ZNF804B: variants seen among roughly 807,000 people sequenced by gnomAD.
ZNF804B encodes the protein zinc finger 804B.
In ZNF804B, 80 loss-of-function variants were observed where a neutral mutation model predicts 101.4. The ratio of observed to expected loss-of-function variants is 0.79; its 90% CI spans 0.66 to 0.95. The LOEUF is 0.95. Ranked by LOEUF, ZNF804B falls within the 40% of genes least tolerant of loss-of-function variation. The probability of loss-of-function intolerance (pLI) is 0.00; values close to 1 mark genes in which losing one functional copy is unlikely to be tolerated. For missense variants in ZNF804B, 1,673 were observed against 1,561.9 expected (o/e 1.07, Z -1.20); for synonymous variants, 622 against 558.8 (o/e 1.11, Z -1.59).
At chr7:88,830,221 A>G (rs1376432817) in intron 1 of ZNF804B, among the ~76,000 whole-genome samples, 1 of 152,136 alleles carries the variant, frequency 6.6e-6, no homozygotes, top group Non-Finnish European at 1.5e-5. Flanking sequence ...TAAGAACTCA[A>G]ATTATGTAAT....
chr7:89,250,363 C>T (rs534953045), intron 2 of ZNF804B, among the ~76,000 whole-genome samples: 1 of 152,050 alleles, frequency 6.6e-6, no homozygotes, highest in Non-Finnish European at 1.5e-5. Flanking sequence ...TGGAATCACA[C>T]AATCTCCCTA....
chr7:89,033,880 T>C (rs2116235872), intron 1 of ZNF804B, among the ~76,000 whole-genome samples: 1 of 152,276 alleles, frequency 6.6e-6, no homozygotes, highest in East Asian at 1.9e-4. Flanking sequence ...ATTTAGAAGA[T>C]TAATTATCTG....
At chr7:89,148,996 G>T (rs1313829266) in intron 1 of ZNF804B, among the ~76,000 whole-genome samples, 6 of 152,088 alleles carry the variant, frequency 3.9e-5, no homozygotes, top group Non-Finnish European at 8.8e-5. Flanking sequence ...TCCCTGAGTT[G>T]CTGCCCTGCA....
chr7:89,335,556 A>G lies in ZNF804B; in HGVS notation c.2574A>G (p.Ser858=). ...AGCACGACAGATTGGACTCTTACTC[A>G]ATAGAGAAAATGTATTACTTGAATA... ...GTQHDRLDSY[S]IEKMYYLNKS... The change falls in exon 4 of 4, where the codon TCA becomes TCG. Residue 858 remains serine (S), a synonymous_variant. Coordinates refer to ENST00000333190, the MANE Select transcript of ZNF804B (RefSeq NM_181646.5). 5 of 1,613,960 alleles carry G rather than the reference A, an allele frequency of 3.1e-6. No individual in the cohort carries two copies. Among genetic ancestry groups the G allele is most frequent in the Non-Finnish European group, 4.2e-6 (5 of 1,179,950 alleles).
chr7:88,958,537 T>A (rs1793345613), intron 1 of ZNF804B, among the ~76,000 whole-genome samples: 1 of 151,504 alleles, frequency 6.6e-6, no homozygotes. Context: ...TCTTGGCATT[T>A]GCCTTATGCT....
At chr7:89,018,796 A>C (rs913763975) in intron 1 of ZNF804B, among the ~76,000 whole-genome samples, 2 of 152,004 alleles carry the variant, frequency 1.3e-5, no homozygotes, top group African/African-American at 4.8e-5. Flanking sequence ...GTTGTTCATT[A>C]GAATCTCTAA....
intron 1 of ZNF804B, among the ~76,000 whole-genome samples, chr7:89,046,783 AT>A (rs1343286791): frequency 6.6e-6 from 1 of 151,860 alleles, no homozygotes; most frequent in Non-Finnish European, 1.5e-5. Context: ...GAGATACCCT[AT>A]TACTTATCAT....
intron 1 of ZNF804B, among the ~76,000 whole-genome samples, chr7:88,795,345 A>C (rs1790462836): frequency 6.6e-6 from 1 of 150,484 alleles, no homozygotes; most frequent in Non-Finnish European, 1.5e-5. Context: ...TAACTGATCT[A>C]TAACTTTTAA....
intron 1 of ZNF804B, among the ~76,000 whole-genome samples, chr7:89,182,133 T>C (rs1232285988): frequency 6.6e-6 from 1 of 152,206 alleles, no homozygotes; most frequent in Non-Finnish European, 1.5e-5. Flanking sequence ...CAAAGAGGTA[T>C]GCTACCTAAT....
intron 1 of ZNF804B, among the ~76,000 whole-genome samples, chr7:88,867,416 A>G (rs1295682761): frequency 6.6e-6 from 1 of 152,208 alleles, no homozygotes; most frequent in Admixed American, 6.5e-5. Flanking sequence ...TTTAATATCC[A>G]GGGGCAGGAG....
intron 2 of ZNF804B, among the ~76,000 whole-genome samples, chr7:89,237,021 A>C (rs781140219): frequency 2.0e-5 from 3 of 152,178 alleles, no homozygotes; most frequent in Non-Finnish European, 4.4e-5. Flanking sequence ...ATTAATAAAC[A>C]CTTAGAATTT....
chr7:88,992,241 A>G (rs1793858215), intron 1 of ZNF804B, among the ~76,000 whole-genome samples: 1 of 152,162 alleles, frequency 6.6e-6, no homozygotes, highest in Admixed American at 6.5e-5. Flanking sequence ...TTTGCATACC[A>G]AAATTAAATA....
chr7:88,800,269 A>C (rs1036544584), intron 1 of ZNF804B, among the ~76,000 whole-genome samples: 1 of 152,096 alleles, frequency 6.6e-6, no homozygotes, highest in Non-Finnish European at 1.5e-5. Flanking sequence ...TTTATTGAAA[A>C]AGACATTCCC....
chr7:89,155,049 A>G (rs1215771689), intron 1 of ZNF804B, among the ~76,000 whole-genome samples: 1 of 152,134 alleles, frequency 6.6e-6, no homozygotes, highest in Non-Finnish European at 1.5e-5. Context: ...AAAATTAAAA[A>G]TTAAAAAATA....
At chr7:89,043,778 A>G (rs1296505020) in intron 1 of ZNF804B, among the ~76,000 whole-genome samples, 1 of 152,192 alleles carries the variant, frequency 6.6e-6, no homozygotes, top group African/African-American at 2.4e-5. Flanking sequence ...ACTGAACACA[A>G]GACTCTTAAG....
At chr7:89,110,307 G>C (rs991102616) in intron 1 of ZNF804B, among the ~76,000 whole-genome samples, 1 of 152,114 alleles carries the variant, frequency 6.6e-6, no homozygotes, top group African/African-American at 2.4e-5. Flanking sequence ...GCTGATGAGA[G>C]GTCCTCACAG....
intron 1 of ZNF804B, among the ~76,000 whole-genome samples, chr7:88,960,970 TG>T (rs1793378920): frequency 6.6e-6 from 1 of 151,418 alleles, no homozygotes; most frequent in African/African-American, 2.4e-5. Flanking sequence ...CAAATAACCT[TG>T]GATAATTAAG....
chr7:89,238,819 G>A (rs535535693), intron 2 of ZNF804B, among the ~76,000 whole-genome samples: 3 of 152,164 alleles, frequency 2.0e-5, no homozygotes, highest in Non-Finnish European at 4.4e-5. Context: ...AGTTAGGGCT[G>A]TTAGGGAAAT....
chr7:88,803,718 G>C lies in ZNF804B; in HGVS notation c.108+43634G>C, dbSNP rs139263499. 9.4e-4 allele frequency among the ~76,000 whole-genome samples: 143 copies of C among 152,016 alleles called. 1 individual carries two copies. The highest frequency in any genetic ancestry group is 3.2e-3 in the African/African-American group (131 of 41,474). On this transcript the variant is annotated intron_variant, in intron 1 of 3. Transcript: ENST00000333190. ...TTTGTGTAGATTATCTTGAAGTGGA[G>C]TGGCCATGGAAATATCCAGGTATAT...
Sources: allele counts gnomAD v4.1 joint callset (sites outside exome capture counted in the v4.1 genomes callset), GRCh38; gene constraint gnomAD v4.1.1; transcripts MANE v1.5; gene names NCBI Gene and HGNC (gene_info 2026-07-23, HGNC 2026-07-21).